Variants in PCDH17 observed in about 807,000 individuals in gnomAD.
The protein encoded by PCDH17 is protocadherin 17.
In PCDH17, 21 loss-of-function variants were observed where a neutral mutation model predicts 67.7. That is an observed-to-expected ratio of 0.31 (90% CI 0.22 to 0.45). The LOEUF is 0.45. Ranked by LOEUF, PCDH17 falls within the 20% of genes least tolerant of loss-of-function variation. The pLI is 1.00. For synonymous variants in PCDH17, 701 were observed against 656.7 expected (o/e 1.07, Z -1.03); for missense variants, 1,471 against 1,564.8 (o/e 0.94, Z 1.01).
chr13:57,665,116 T>C (rs1409627368), intron 1 of PCDH17, among the ~76,000 whole-genome samples: 1 of 152,162 alleles, frequency 6.6e-6, no homozygotes, highest in Non-Finnish European at 1.5e-5. Context: ...TCTTTGCGTG[T>C]ACTTTGATAA....
chr13:57,724,287 C>T (rs1272667110), intron 3 of PCDH17, among the ~76,000 whole-genome samples: 1 of 152,098 alleles, frequency 6.6e-6, no homozygotes, highest in Non-Finnish European at 1.5e-5. Flanking sequence ...ATGAGTTATA[C>T]AGAACAAAGA....
At chr13:57,667,705 T>C (rs1275169677) in intron 3 of PCDH17, among the ~76,000 whole-genome samples, 1 of 151,498 alleles carries the variant, frequency 6.6e-6, no homozygotes, top group African/African-American at 2.4e-5. Flanking sequence ...ACCTAACCTC[T>C]AAGTCATTTA....
rs536833988 is a variant in PCDH17, at chr13:57,725,955, T to C, written c.*661T>C. 3.3e-5 allele frequency: 5 copies of C among 152,496 alleles called. No homozygotes were observed. In the East Asian group the frequency reaches 7.7e-4, roughly 24 times the overall value. 9.4% of individuals were successfully genotyped at this position (152,496 alleles called of 1,614,324 possible). A position where few individuals can be genotyped will look rare whatever the true frequency, so the allele number is the denominator to read the frequency against. On this transcript the variant is annotated 3_prime_UTR_variant, in exon 4 of 4. Transcript: ENST00000377918. Reference sequence around the variant, plus strand: ...GTCATTTGTAAGACATCTCATGTCATATAAAAGTTAAATGTAAAAAGATAC... The same window carrying C: ...GTCATTTGTAAGACATCTCATGTCACATAAAAGTTAAATGTAAAAAGATAC...
In PCDH17 at chr13:57,671,125, C is replaced by A. The variant is rs570343728; in HGVS notation, c.2797+4292C>A. ...AGTTAATTAGATTTTCTCCATACCC[C>A]CCTTTCATCCTTTATAAAATATAGT... is the stretch of plus-strand genomic sequence containing the variant. On this transcript the variant is annotated intron_variant, in intron 3 of 3. Coordinates refer to ENST00000377918, the MANE Select transcript of PCDH17 (RefSeq NM_001040429.3). 3.3e-5 allele frequency among the ~76,000 whole-genome samples: 5 copies of A among 151,778 alleles called. No individual in the cohort carries two copies. In the East Asian group the frequency reaches 9.7e-4, roughly 30 times the overall value.
At chr13:57,668,940 C>T (rs1252349935) in intron 3 of PCDH17, among the ~76,000 whole-genome samples, 2 of 152,018 alleles carry the variant, frequency 1.3e-5, no homozygotes, top group Non-Finnish European at 1.5e-5. Flanking sequence ...GTGCTGTACC[C>T]ATTAACTCGT....
chr13:57,630,164 G>A (rs1954700005), upstream of PCDH17, among the ~76,000 whole-genome samples: 1 of 152,224 alleles, frequency 6.6e-6, no homozygotes, highest in Non-Finnish European at 1.5e-5. Flanking sequence ...GGATGCGGCA[G>A]CGGCGGAAGG....
intron 1 of PCDH17, among the ~76,000 whole-genome samples, chr13:57,649,448 G>T (rs958247482): frequency 6.6e-6 from 1 of 152,116 alleles, no homozygotes; most frequent in African/African-American, 2.4e-5. Flanking sequence ...AGCCATTTTG[G>T]TGTGAAGTAG....
At chr13:57,718,154 A>C (rs889498237) in intron 3 of PCDH17, among the ~76,000 whole-genome samples, 3 of 152,082 alleles carry the variant, frequency 2.0e-5, no homozygotes, top group Admixed American at 1.3e-4. Flanking sequence ...ATAGAAGAAT[A>C]GCTTAGCTAA....
Position 57,634,733 on chromosome 13 carries a change from G to A in PCDH17, c.2187G>A (p.Lys729=), listed in dbSNP as rs755704643. ...CGGCCATGATCACCATCGCCGTCAA[G>A]TGCAAGCGCGAGAACAAGGAGATCC... ...LLAAMITIAV[K]CKRENKEIRT... is the part of the protein sequence containing the mutation. Residue 729 remains lysine (K), a synonymous_variant, in exon 1 of 4, where the codon AAG becomes AAA. Coordinates refer to ENST00000377918, the MANE Select transcript of PCDH17 (RefSeq NM_001040429.3). This position sits in a 1 kb window ranked among gnomAD's most constrained non-coding sequence, Gnocchi z 7.8. 1 of 1,613,982 alleles carries A rather than the reference G, an allele frequency of 6.2e-7. No homozygotes were observed. The highest frequency in any genetic ancestry group is 8.5e-7 in the Non-Finnish European group (1 of 1,180,016).
intron 3 of PCDH17, among the ~76,000 whole-genome samples, chr13:57,715,452 T>A (rs9591828): frequency 0.07 from 10,581 of 151,944 alleles, 386 homozygotes; most frequent in Non-Finnish European, 0.086. Flanking sequence ...TACTGTAGTA[T>A]CTTGATTTCA....
intron 3 of PCDH17, among the ~76,000 whole-genome samples, chr13:57,684,266 A>G (rs1451143987): frequency 2.0e-5 from 3 of 151,970 alleles, no homozygotes; most frequent in Non-Finnish European, 2.9e-5. Context: ...ATGAGATGCA[A>G]TTTTGACTTT....
chr13:57,691,841 A>C (rs1339735848), intron 3 of PCDH17, among the ~76,000 whole-genome samples: 2 of 151,180 alleles, frequency 1.3e-5, no homozygotes, highest in East Asian at 3.9e-4. Flanking sequence ...GCCTTTGCCT[A>C]ATTAATAAAC....
chr13:57,689,007 T>C (rs1955532475), intron 3 of PCDH17, among the ~76,000 whole-genome samples: 1 of 152,072 alleles, frequency 6.6e-6, no homozygotes, highest in South Asian at 2.1e-4. Context: ...GATTAATTCT[T>C]CATGGATAAT....
rs1033857439 is a variant in PCDH17, at chr13:57,651,645, T to C, written c.2566-14823T>C. Among the ~76,000 whole-genome samples, 6 of 152,230 alleles carry C rather than the reference T, an allele frequency of 3.9e-5. No individual in the cohort carries two copies. The South Asian group carries it at 1.2e-3, about 32-fold the overall frequency. ...GAACCACAATGCCTGGGATTCTATTTTGAAAATTCCTGACTTAAAAATATA... is the reference window on the plus strand; with the variant it reads ...GAACCACAATGCCTGGGATTCTATTCTGAAAATTCCTGACTTAAAAATATA... On this transcript the variant is annotated intron_variant, in intron 1 of 3. Transcript: ENST00000377918.
intron 3 of PCDH17, among the ~76,000 whole-genome samples, chr13:57,699,592 T>C (rs1170211239): frequency 6.6e-6 from 1 of 152,004 alleles, no homozygotes; most frequent in African/African-American, 2.4e-5. Flanking sequence ...GATTCTTTTT[T>C]TTTACAAGGC....
chr13:57,651,108 C>A (rs1955031636), intron 1 of PCDH17, among the ~76,000 whole-genome samples: 1 of 152,156 alleles, frequency 6.6e-6, no homozygotes, highest in South Asian at 2.1e-4. Flanking sequence ...CTTTCTACTT[C>A]TTCATGCCTG....
chr13:57,695,934 G>C (rs1362681889), intron 3 of PCDH17, among the ~76,000 whole-genome samples: 1 of 151,296 alleles, frequency 6.6e-6, no homozygotes, highest in Non-Finnish European at 1.5e-5. Flanking sequence ...GAAAATCTGG[G>C]TCCTGGTTTA....
At chr13:57,717,454 C>T (rs1955828139) in intron 3 of PCDH17, among the ~76,000 whole-genome samples, 1 of 151,930 alleles carries the variant, frequency 6.6e-6, no homozygotes, top group Admixed American at 6.6e-5. Context: ...AATTCCACTC[C>T]GGTAAACATT....
In PCDH17 at chr13:57,726,923, G is replaced by A. The variant is rs1955920375; in HGVS notation, c.*1629G>A. The A allele has an allele frequency of 6.6e-6, 1 of 152,538 alleles. No homozygotes were observed. Among genetic ancestry groups the A allele is most frequent in the African/African-American group, 2.4e-5 (1 of 41,428 alleles). The allele number at this position is 152,538 out of a possible 1,614,324, so 9.4% of individuals were successfully genotyped here. A position where few individuals can be genotyped will look rare whatever the true frequency, so the allele number is the denominator to read the frequency against. ...GTGTAGTGTTTTTCAAGAGGTCTGG[G>A]TCTTAACAAAATGTTTTCCTTTATC... is the stretch of plus-strand genomic sequence containing the variant. On this transcript the variant is annotated 3_prime_UTR_variant, in exon 4 of 4. Coordinates refer to ENST00000377918, the MANE Select transcript of PCDH17 (RefSeq NM_001040429.3).
Sources: gnomAD v4.1 joint callset for allele counts (sites outside exome capture counted in the v4.1 genomes callset) on GRCh38, gnomAD v4.1.1 for gene constraint, Gnocchi (gnomAD v3.1) non-coding constraint, MANE v1.5 for transcripts, NCBI Gene and HGNC (gene_info 2026-07-23, HGNC 2026-07-21) for gene names.